Variants in SCUBE1 observed in about 807,000 individuals in gnomAD.
The protein encoded by SCUBE1 is signal peptide, CUB domain and EGF like domain containing 1.
Under a neutral mutation model 124.4 loss-of-function variants are expected in SCUBE1, and 59 were observed. That is an observed-to-expected ratio of 0.47 (90% CI 0.38 to 0.59). SCUBE1 has a LOEUF of 0.59. SCUBE1 is among the 20% of genes least tolerant of loss of function. The pLI is 0.00. For missense variants in SCUBE1, 1,150 were observed against 1,371.2 expected (o/e 0.84, Z 2.55); for synonymous variants, 545 against 550.9 (o/e 0.99, Z 0.15).
At chr22:43,288,765 G>A (rs1376306872) in intron 4 of SCUBE1, among the ~76,000 whole-genome samples, 2 of 152,284 alleles carry the variant, frequency 1.3e-5, no homozygotes, top group East Asian at 1.9e-4. Flanking sequence ...GCTGGGCTTC[G>A]CCTTCCTCAG....
chr22:43,229,234 G>C (rs775993493), intron 8 of SCUBE1, 46 bp from the exon 9 acceptor site: 2 of 1,114,368 alleles, frequency 1.8e-6, no homozygotes, highest in Non-Finnish European at 1.4e-6. Context: ...GTTTGAGGGA[G>C]TGGTGGGTGG....
chr22:43,229,232 G>C (rs1406865805), intron 8 of SCUBE1, 44 bp from the exon 9 acceptor site: 3 of 1,047,344 alleles, frequency 2.9e-6, no homozygotes, highest in Admixed American at 1.7e-5. Flanking sequence ...GAGTTTGAGG[G>C]AGTGGTGGGT....
chr22:43,214,047 GCCCACCCCCCA>G, intron 16 of SCUBE1, 32 bp downstream of exon 16: 3 of 143,420 alleles, frequency 2.1e-5, no homozygotes, highest in Non-Finnish European at 3.9e-5. Context: ...AGGAGCCCCC[GCCCACCCCCCA>G]CCCCCACCTC....
intron 15 of SCUBE1, among the ~76,000 whole-genome samples, chr22:43,217,926 G>T (rs1435132423): frequency 6.6e-6 from 1 of 152,182 alleles, no homozygotes; most frequent in African/African-American, 2.4e-5. Flanking sequence ...TTCTCCTCCA[G>T]GAAGCTTCCC....
intron 3 of SCUBE1, among the ~76,000 whole-genome samples, chr22:43,294,302 G>A (rs537437918): frequency 8.5e-5 from 13 of 152,304 alleles, no homozygotes; most frequent in Admixed American, 5.9e-4. Flanking sequence ...CCCCACACAC[G>A]CCTCTTGCAC....
At chr22:43,266,794 G>C (rs1238472380) in intron 4 of SCUBE1, among the ~76,000 whole-genome samples, 1 of 152,170 alleles carries the variant, frequency 6.6e-6, no homozygotes, top group Admixed American at 6.5e-5. Flanking sequence ...GTTTCCAGAC[G>C]TAAGAGCCCA....
At chr22:43,289,783 T>C (rs1925286688) in intron 4 of SCUBE1, among the ~76,000 whole-genome samples, 2 of 152,194 alleles carry the variant, frequency 1.3e-5, no homozygotes, top group African/African-American at 2.4e-5. Context: ...GAGCCGCCCA[T>C]GGGAAGGCTT....
chr22:43,286,820 C>A (rs766513856), intron 4 of SCUBE1, among the ~76,000 whole-genome samples: 11 of 152,228 alleles, frequency 7.2e-5, no homozygotes, highest in Non-Finnish European at 1.6e-4. Flanking sequence ...AAGTGACCTG[C>A]ATTCACGTAG....
Position 43,255,394 on chromosome 22 carries a change from C to G in SCUBE1, c.727+2825G>C. On this transcript the variant is annotated intron_variant, in intron 6 of 21. Transcript: ENST00000360835. This position sits in a 1 kb window ranked among gnomAD's most constrained non-coding sequence, Gnocchi z 4.7. ...CACACCCACACACAGCACACACACG[C>G]CCATGTCCACATGCCAGTGCGCACC... is the stretch of plus-strand genomic sequence containing the variant. 6 of 1,081,160 alleles carry G rather than the reference C, an allele frequency of 5.5e-6. No individual in the cohort carries two copies. The highest frequency in any genetic ancestry group is 8.3e-6 in the Non-Finnish European group (6 of 722,154). 67.0% of individuals were successfully genotyped at this position (1,081,160 alleles called of 1,614,324 possible).
intron 2 of SCUBE1, among the ~76,000 whole-genome samples, chr22:43,327,278 G>A (rs113111518): frequency 3.3e-5 from 5 of 152,184 alleles, no homozygotes; most frequent in African/African-American, 1.2e-4. Flanking sequence ...AGGGGAGCCA[G>A]GAAGGGAGCC....
chr22:43,329,545 T>A (rs1601896053), intron 2 of SCUBE1, among the ~76,000 whole-genome samples: 2 of 152,108 alleles, frequency 1.3e-5, no homozygotes, highest in South Asian at 4.2e-4. Flanking sequence ...AGGCAGGAGG[T>A]CTAGACAGAA....
Position 43,211,423 on chromosome 22 carries a change from C to G in SCUBE1, c.2222-340G>C, listed in dbSNP as rs1473539954. On this transcript the variant is annotated intron_variant, in intron 17 of 21. Coordinates refer to ENST00000360835, the MANE Select transcript of SCUBE1 (RefSeq NM_173050.5). The surrounding 1 kb of genome is among the most constrained non-coding windows in gnomAD (Gnocchi z 4.5). ...CAGGGAGGAGGGGAAGTGGAGCCAG[C>G]TAGGCCAAACCCTCTTTCTACAAGG... 6.6e-6 allele frequency among the ~76,000 whole-genome samples: 1 copy of G among 151,960 alleles called. No individual in the cohort carries two copies. The highest frequency in any genetic ancestry group is 1.5e-5 in the Non-Finnish European group (1 of 68,008).
At chr22:43,233,685 A>T (rs1922647700) in intron 7 of SCUBE1, 1 of 152,326 alleles carries the variant, frequency 6.6e-6, no homozygotes, top group Admixed American at 6.5e-5. Flanking sequence ...TGTTCCTGGC[A>T]CTGCTACTCT....
chr22:43,276,405 G>A lies in SCUBE1; in HGVS notation c.485-13560C>T, dbSNP rs116222176. On this transcript the variant is annotated intron_variant, in intron 4 of 21. Coordinates refer to ENST00000360835, the MANE Select transcript of SCUBE1 (RefSeq NM_173050.5). Reference sequence around the variant, plus strand: ...GACATAATCAAGCAGCCACCAGGCCGGGAGACAAAAACCCACCTGGCTGGC... The same window carrying A: ...GACATAATCAAGCAGCCACCAGGCCAGGAGACAAAAACCCACCTGGCTGGC... Among the ~76,000 whole-genome samples the A allele has an allele frequency of 6.1e-3, 923 of 152,304 alleles. 14 individuals are homozygous for A. The highest frequency in any genetic ancestry group is 0.021 in the African/African-American group (877 of 41,558).
At chr22:43,330,460 T>C (rs551832350) in intron 2 of SCUBE1, among the ~76,000 whole-genome samples, 1 of 152,364 alleles carries the variant, frequency 6.6e-6, no homozygotes, top group South Asian at 2.1e-4. Flanking sequence ...TGTATTTTCA[T>C]TGCTGCACTT....
chr22:43,339,864 A>ACT (rs59107198), intron 1 of SCUBE1, among the ~76,000 whole-genome samples: 855 of 9,492 alleles, frequency 0.09, 33 homozygotes, highest in African/African-American at 0.32. Flanking sequence ...TACTCTCCTC[A>ACT]CTATCCCCCC....
chr22:43,242,220 C>T (rs1394160697), intron 6 of SCUBE1, among the ~76,000 whole-genome samples: 1 of 152,200 alleles, frequency 6.6e-6, no homozygotes, highest in Non-Finnish European at 1.5e-5. Flanking sequence ...GCAGAGGCTC[C>T]GGTGCTGCTG....
At chr22:43,292,556 A>ACACACAC (rs1925402162) in intron 3 of SCUBE1, among the ~76,000 whole-genome samples, 10 of 139,600 alleles carry the variant, frequency 7.2e-5, no homozygotes, top group Non-Finnish European at 1.1e-4. Flanking sequence ...CCCGGTCCCT[A>ACACACAC]ACACACACAC....
At position 43,218,405 on chromosome 22, in the gene SCUBE1, C is replaced by T. The variant is rs139119420; in HGVS notation, c.1741G>A (p.Ala581Thr). 2.1e-4 allele frequency: 343 copies of T among 1,613,314 alleles called. No individual in the cohort carries two copies. Among genetic ancestry groups the T allele is most frequent in the South Asian group, 3.3e-4 (30 of 91,086 alleles). Residue 581 changes from alanine (A) to threonine (T), a missense_variant, in exon 15 of 22, where the codon GCC (alanine) becomes ACC (threonine). Ala to Thr is a moderately conservative substitution (Grantham distance 58, BLOSUM62 0). Around this residue, in one of 3 missense-constraint regions of SCUBE1, gnomAD observed 757 missense variants for 840.9 expected, o/e 0.90. Transcript: ENST00000360835. ...ATGGACTTGCGCAGGGTCTTGATGG[C>T]GGCCTGCAGGCTCTGTTCTGCTCGC... ...RKRAEQSLQAAIKTLRKSIGR... is the reference protein window; with the variant it reads ...RKRAEQSLQATIKTLRKSIGR...
Sources: allele counts gnomAD v4.1 joint callset (sites outside exome capture counted in the v4.1 genomes callset), GRCh38; gene constraint gnomAD v4.1.1; regional missense constraint gnomAD v4.1.1; non-coding constraint Gnocchi (gnomAD v3.1); transcripts MANE v1.5; gene names NCBI Gene and HGNC (gene_info 2026-07-23, HGNC 2026-07-21).